The following PRKN variants were observed in gnomAD, a reference collection of about 807,000 sequenced individuals.
PRKN encodes E3 ubiquitin-protein ligase parkin.
A neutral mutation model predicts 59.5 loss-of-function variants in PRKN; 56 were observed. That is an observed-to-expected ratio of 0.94 (90% CI 0.76 to 1.18). The LOEUF (loss-of-function observed/expected upper bound fraction) is 1.18, where lower values mean the gene tolerates loss of function less well. Among genes scored for constraint, PRKN ranks in the 50% most tolerant of loss-of-function variants. The probability of loss-of-function intolerance (pLI) is 0.00; values close to 1 mark genes in which losing one functional copy is unlikely to be tolerated. For missense variants in PRKN, 657 were observed against 596.4 expected (o/e 1.10, Z -1.06); for synonymous variants, 250 against 222.1 (o/e 1.13, Z -1.12).
chr6:161,828,314 A>G (rs980164110), intron 6 of PRKN, among the ~76,000 whole-genome samples: 1 of 152,342 alleles, frequency 6.6e-6, no homozygotes, highest in African/African-American at 2.4e-5. Flanking sequence ...AATGAACCCT[A>G]CATAAAGCAC....
chr6:162,042,210 CAT>C (rs760424733), intron 5 of PRKN, among the ~76,000 whole-genome samples: 4 of 151,694 alleles, frequency 2.6e-5, no homozygotes, highest in Non-Finnish European at 5.9e-5. Flanking sequence ...ATTATAATAA[CAT>C]AAATGAAACA....
At chr6:162,303,522 A>G (rs1370847887) in intron 2 of PRKN, among the ~76,000 whole-genome samples, 2 of 152,168 alleles carry the variant, frequency 1.3e-5, no homozygotes, top group Admixed American at 6.5e-5. Context: ...TAATTAACAA[A>G]CATGTACTGA....
intron 5 of PRKN, among the ~76,000 whole-genome samples, chr6:162,047,637 A>G (rs1286625496): frequency 1.3e-5 from 2 of 152,220 alleles, no homozygotes; most frequent in African/African-American, 4.8e-5. Flanking sequence ...AGTCTAAAAC[A>G]ACAATAAAAA....
intron 9 of PRKN, among the ~76,000 whole-genome samples, chr6:161,517,516 A>G (rs572290): frequency 0.74 from 112,378 of 151,588 alleles, 41,911 homozygotes; most frequent in Middle Eastern, 0.81. Flanking sequence ...CAAAGCAGGC[A>G]GATCACAAGG....
At chr6:162,227,606 A>G (rs1169417681) in intron 3 of PRKN, among the ~76,000 whole-genome samples, 1 of 152,052 alleles carries the variant, frequency 6.6e-6, no homozygotes, top group Non-Finnish European at 1.5e-5. Flanking sequence ...TTTGTGCTTG[A>G]CCTCTACCTG....
At chr6:162,287,738 T>C (rs1781259055) in intron 2 of PRKN, among the ~76,000 whole-genome samples, 1 of 152,164 alleles carries the variant, frequency 6.6e-6, no homozygotes, top group Admixed American at 6.5e-5. Flanking sequence ...GTTACATTGA[T>C]AACAAATAAC....
chr6:161,949,587 C>T (rs1663838365), intron 6 of PRKN, among the ~76,000 whole-genome samples: 1 of 152,198 alleles, frequency 6.6e-6, no homozygotes, highest in African/African-American at 2.4e-5. Context: ...TTGAAGGACA[C>T]AGGAGGCCCT....
rs183814859 is a variant in PRKN, at chr6:161,685,394, G to A, written c.871+100378C>T. Among the ~76,000 whole-genome samples the A allele has an allele frequency of 5.0e-3, 767 of 152,208 alleles. 3 individuals carry two copies. Among genetic ancestry groups the A allele is most frequent in the Middle Eastern group, 0.014 (4 of 294 alleles). ...TGCTCCTGCTGAACAACTAAGAAAC[G>A]TTATTTTCAACCCCAGCTTGAAAAC... On this transcript the variant is annotated intron_variant, in intron 7 of 11. Coordinates refer to ENST00000366898, the MANE Select transcript of PRKN (RefSeq NM_004562.3).
At position 162,159,778 on chromosome 6, in the gene PRKN, C is replaced by A. The variant is rs564612022; in HGVS notation, c.534+41353G>T. ...AGAGGAAGAGATCAATGGAACAGGA[C>A]AAACAGTGCAGAAACAGACAAATAC... On this transcript the variant is annotated intron_variant, in intron 4 of 11. Coordinates refer to ENST00000366898, the MANE Select transcript of PRKN (RefSeq NM_004562.3). Among the ~76,000 whole-genome samples the A allele has an allele frequency of 2.6e-5, 4 of 152,264 alleles. No individual in the cohort carries two copies. In the South Asian group the frequency reaches 8.3e-4, roughly 32 times the overall value.
chr6:162,470,751 T>G (rs1394924668), intron 1 of PRKN, among the ~76,000 whole-genome samples: 1 of 152,188 alleles, frequency 6.6e-6, no homozygotes. Flanking sequence ...TATTTATTTT[T>G]AAATTTTATT....
rs191450445 is a variant in PRKN at position 162,353,517 on chromosome 6, A to T, written c.171+89793T>A. On this transcript the variant is annotated intron_variant, in intron 2 of 11. Transcript: ENST00000366898. ...AGTATACGTATATGAATAAATTTTTAAAAAAATTCATATTCACATATGTAT... is the reference window on the plus strand; with the variant it reads ...AGTATACGTATATGAATAAATTTTTTAAAAAATTCATATTCACATATGTAT... Among the ~76,000 whole-genome samples the T allele has an allele frequency of 4.6e-3, 693 of 152,270 alleles. 6 individuals are homozygous for T. The highest frequency in any genetic ancestry group is 0.023 in the South Asian group (112 of 4,818).
intron 7 of PRKN, among the ~76,000 whole-genome samples, chr6:161,672,308 A>C (rs1784937894): frequency 6.6e-6 from 1 of 152,254 alleles, no homozygotes; most frequent in Non-Finnish European, 1.5e-5. Flanking sequence ...ACTTAAAAAA[A>C]TGTGAATGCT....
At chr6:162,264,619 C>T (rs1412808466) in intron 2 of PRKN, 1 of 152,726 alleles carries the variant, frequency 6.5e-6, no homozygotes, top group Non-Finnish European at 1.5e-5. Context: ...TCCGTCTCAT[C>T]CCCAGGCCCT....
intron 1 of PRKN, among the ~76,000 whole-genome samples, chr6:162,722,221 A>G (rs1778965388): frequency 6.6e-6 from 1 of 152,222 alleles, no homozygotes; most frequent in South Asian, 2.1e-4. Context: ...CTGAAATAAT[A>G]ATCATAAATA....
intron 4 of PRKN, among the ~76,000 whole-genome samples, chr6:162,193,177 CTT>C (rs1784355392): frequency 1.3e-5 from 2 of 152,154 alleles, no homozygotes; most frequent in South Asian, 4.1e-4. Flanking sequence ...TTTCTCTAGA[CTT>C]TAATTAACTG....
chr6:162,556,360 T>TGTGTGTGTGTGCGC (rs1554243389), intron 1 of PRKN, among the ~76,000 whole-genome samples: 2 of 82,692 alleles, frequency 2.4e-5, no homozygotes, highest in African/African-American at 7.8e-5. Context: ...TGTGTGTGTG[T>TGTGTGTGTGTGCGC]GTGTGTGTGT....
At chr6:162,360,649 A>T (rs16893737) in intron 2 of PRKN, among the ~76,000 whole-genome samples, 7,265 of 152,276 alleles carry the variant, frequency 0.048, 549 homozygotes, top group African/African-American at 0.16. Flanking sequence ...GTAAACCAGA[A>T]ATCTTTCACA....
chr6:161,596,083 A>G (rs2128142070), intron 7 of PRKN, among the ~76,000 whole-genome samples: 1 of 152,248 alleles, frequency 6.6e-6, no homozygotes, highest in African/African-American at 2.4e-5. Context: ...CTGCAAGGAG[A>G]CTGACAGCGT....
chr6:161,408,145 T>G (rs1311130764), intron 9 of PRKN, among the ~76,000 whole-genome samples: 61 of 152,136 alleles, frequency 4.0e-4, no homozygotes, highest in Admixed American at 4.0e-3. Flanking sequence ...ATTTTTCTTT[T>G]TAGAGAAAAG....
Sources: gnomAD v4.1 joint callset for allele counts (sites outside exome capture counted in the v4.1 genomes callset) on GRCh38, gnomAD v4.1.1 for gene constraint, MANE v1.5 for transcripts, NCBI Gene and HGNC (gene_info 2026-07-23, HGNC 2026-07-21) for gene names.